The following SNAP91 variants were observed in gnomAD, a reference collection of about 807,000 sequenced individuals.
The protein encoded by SNAP91 is clathrin coat assembly protein AP180.
SNAP91 carries 27 observed loss-of-function variants against 100.3 expected under a neutral mutation model. The observed-to-expected ratio is 0.27, with a 90% CI of 0.20 to 0.37. The LOEUF (loss-of-function observed/expected upper bound fraction) is 0.37. Among genes scored for constraint, SNAP91 ranks in the 10% least tolerant of loss-of-function variants. The pLI is 1.00. For synonymous variants in SNAP91, 404 were observed against 398.6 expected, an observed-to-expected ratio of 1.01 and a Z score of -0.16; for missense variants, 986 against 1,123.7, an observed-to-expected ratio of 0.88 and a Z score of 1.75.
At chr6:83,571,666 G>C (rs185166133) in intron 26 of SNAP91, among the ~76,000 whole-genome samples, 2 of 152,310 alleles carry the variant, frequency 1.3e-5, no homozygotes, top group East Asian at 3.9e-4. Flanking sequence ...TCTCAGATGA[G>C]ACTCTGGACT....
chr6:83,676,753 A>G (rs2098910371), intron 2 of SNAP91, among the ~76,000 whole-genome samples: 1 of 152,178 alleles, frequency 6.6e-6, no homozygotes, highest in Admixed American at 6.6e-5. Flanking sequence ...AAGAATTACT[A>G]TGGTGGCTAT....
At chr6:83,629,349 T>C (rs1210233852) in intron 8 of SNAP91, among the ~76,000 whole-genome samples, 5 of 152,160 alleles carry the variant, frequency 3.3e-5, no homozygotes, top group Admixed American at 1.3e-4. Context: ...ATGTGGGCTC[T>C]TTTTTGGTTC....
intron 23 of SNAP91, among the ~76,000 whole-genome samples, chr6:83,581,014 A>G (rs182526066): frequency 6.6e-6 from 1 of 152,330 alleles, no homozygotes; most frequent in East Asian, 1.9e-4. Context: ...GGTTTATTAT[A>G]ATGCTTGCTT....
At chr6:83,610,414 G>A (rs1327687769) in intron 12 of SNAP91, among the ~76,000 whole-genome samples, 3 of 151,440 alleles carry the variant, frequency 2.0e-5, no homozygotes, top group African/African-American at 4.9e-5. Flanking sequence ...CAAATTCATA[G>A]AGACAGAAAG....
At position 83,593,799 on chromosome 6, in the gene SNAP91, A is replaced by G; in HGVS notation, c.1433-58T>C. ...ATCAGTAAGGAAAGAGACAAGAGAC[A>G]GCATCATAACTATGGCAAGAGACAC... On this transcript the variant is annotated intron_variant, in intron 17 of 29. Coordinates refer to ENST00000369694, the MANE Select transcript of SNAP91 (RefSeq NM_001242792.2). The G allele has an allele frequency of 2.0e-6, 3 of 1,513,956 alleles. No individual in the cohort carries two copies. The South Asian group carries it at 4.0e-5, about 20-fold the overall frequency. The allele number at this position is 1,513,956 out of a possible 1,614,324, so 93.8% of individuals were successfully genotyped here.
chr6:83,580,339 A>G, intron 24 of SNAP91, 111 bp downstream of exon 24: 1 of 1,127,788 alleles, frequency 8.9e-7, no homozygotes, highest in Non-Finnish European at 1.3e-6. Context: ...ACTCACCCAT[A>G]AGAGAGTCCA....
intron 16 of SNAP91, 79 bp downstream of exon 16, chr6:83,601,192 G>GA (rs1181279709): frequency 2.8e-6 from 4 of 1,416,938 alleles, no homozygotes; most frequent in Non-Finnish European, 3.9e-6. Context: ...TTACATAACG[G>GA]AAAAAATTTT....
At position 83,658,228 on chromosome 6, in the gene SNAP91, C is replaced by A. The variant is rs549790945; in HGVS notation, c.546+771G>T. ...TAAAACTATAGTACAATATCACAAC[C>A]AGGATATTGACAATGAAACAATTCA... On this transcript the variant is annotated intron_variant, in intron 6 of 29. Coordinates refer to ENST00000369694, the MANE Select transcript of SNAP91 (RefSeq NM_001242792.2). Among the ~76,000 whole-genome samples the A allele has an allele frequency of 7.2e-5, 11 of 152,218 alleles. No individual in the cohort carries two copies. In the East Asian group the frequency reaches 1.4e-3, roughly 19 times the overall value.
At position 83,607,696 on chromosome 6, in the gene SNAP91, A is replaced by C. The variant is rs1411148943; in HGVS notation, c.1022+3T>G. 6.5e-7 allele frequency: 1 copy of C among 1,548,406 alleles called. No individual in the cohort carries two copies. The highest frequency in any genetic ancestry group is 1.9e-5 in the Admixed American group (1 of 52,258). ...ACAGTTAACTGCATATTTATTTACC[A>C]ACCTGACTGGGACAGCCGCAGATGC... On this transcript the variant is annotated splice_donor_region_variant and intron_variant, in intron 13 of 29. Transcript: ENST00000369694.
intron 26 of SNAP91, among the ~76,000 whole-genome samples, chr6:83,567,069 G>A (rs921027675): frequency 2.6e-5 from 4 of 152,056 alleles, no homozygotes; most frequent in African/African-American, 9.7e-5. Flanking sequence ...CTCTCATATA[G>A]CTCTTACTAC....
chr6:83,573,729 T>C, intron 26 of SNAP91, among the ~76,000 whole-genome samples: 1 of 152,212 alleles, frequency 6.6e-6, no homozygotes, highest in East Asian at 1.9e-4. Flanking sequence ...TAAATGATGC[T>C]GGGAAAACTG....
chr6:83,583,280 C>G (rs1390579329), intron 22 of SNAP91, among the ~76,000 whole-genome samples: 1 of 152,200 alleles, frequency 6.6e-6, no homozygotes, highest in African/African-American at 2.4e-5. Flanking sequence ...TCTATCCCCA[C>G]TGCCCCGACT....
At chr6:83,688,121 C>T (rs750817112) in intron 2 of SNAP91, among the ~76,000 whole-genome samples, 3 of 152,064 alleles carry the variant, frequency 2.0e-5, no homozygotes, top group Non-Finnish European at 4.4e-5. Flanking sequence ...CATATATGAC[C>T]CCATAGCCTC....
chr6:83,669,496 T>C (rs2098745526), intron 2 of SNAP91, among the ~76,000 whole-genome samples: 1 of 151,994 alleles, frequency 6.6e-6, no homozygotes, highest in African/African-American at 2.4e-5. Flanking sequence ...TTTATTGAAG[T>C]ATAGTTGATA....
At chr6:83,590,677 T>C (rs1357009049) in intron 22 of SNAP91, among the ~76,000 whole-genome samples, 1 of 152,186 alleles carries the variant, frequency 6.6e-6, no homozygotes, top group Admixed American at 6.5e-5. Flanking sequence ...AACATCATGG[T>C]ACATTTCCCC....
intron 26 of SNAP91, among the ~76,000 whole-genome samples, chr6:83,566,965 T>A (rs1797514205): frequency 6.6e-6 from 1 of 152,194 alleles, no homozygotes; most frequent in Non-Finnish European, 1.5e-5. Flanking sequence ...GATTCATGGA[T>A]CATTCTTCAC....
At chr6:83,637,715 C>T (rs1012135897) in intron 8 of SNAP91, among the ~76,000 whole-genome samples, 1 of 152,212 alleles carries the variant, frequency 6.6e-6, no homozygotes, top group Non-Finnish European at 1.5e-5. Context: ...GGGAGGGACA[C>T]CCAGCTCCTA....
At chr6:83,696,003 C>T (rs1316537482) in intron 2 of SNAP91, among the ~76,000 whole-genome samples, 1 of 151,966 alleles carries the variant, frequency 6.6e-6, no homozygotes, top group Admixed American at 6.6e-5. Context: ...TGGTCACAGC[C>T]CACTCATTAG....
At chr6:83,591,169 T>C in intron 22 of SNAP91, 42 bp downstream of exon 22, 4 of 1,244,398 alleles carry the variant, frequency 3.2e-6, no homozygotes, top group Non-Finnish European at 4.7e-6. Context: ...TAAAAATATA[T>C]CCAAATTTAA....
Sources: gnomAD v4.1 joint callset for allele counts (sites outside exome capture counted in the v4.1 genomes callset) on GRCh38, gnomAD v4.1.1 for gene constraint, MANE v1.5 for transcripts, NCBI Gene and HGNC (gene_info 2026-07-23, HGNC 2026-07-21) for gene names.